Variants in SNAP91 observed in about 807,000 individuals in gnomAD.
SNAP91 encodes the protein clathrin coat assembly protein AP180.
A neutral mutation model predicts 100.3 loss-of-function variants in SNAP91; 27 were observed. The ratio of observed to expected loss-of-function variants is 0.27; its 90% CI spans 0.20 to 0.37. SNAP91 has a LOEUF of 0.37. Ranked by LOEUF, SNAP91 falls within the 10% of genes least tolerant of loss-of-function variation. The pLI is 1.00. For missense variants in SNAP91, 986 were observed against 1,123.7 expected, an observed-to-expected ratio of 0.88 and a Z score of 1.75; for synonymous variants, 404 against 398.6, an observed-to-expected ratio of 1.01 and a Z score of -0.16.
intron 19 of SNAP91, 47 bp from the exon 20 acceptor site, chr6:83,593,064 A>G (rs1224682013): frequency 1.3e-6 from 2 of 1,544,676 alleles, no homozygotes; most frequent in Non-Finnish European, 1.8e-6. Flanking sequence ...TAAGTAGTAG[A>G]AAGCTGAAAT....
intron 3 of SNAP91, among the ~76,000 whole-genome samples, chr6:83,664,324 T>C (rs1472555276): frequency 1.3e-5 from 2 of 152,164 alleles, no homozygotes; most frequent in Non-Finnish European, 2.9e-5. Context: ...ATTCCTCTGA[T>C]GGATGTGGGC....
Position 83,707,902 on chromosome 6 carries a change from C to G in SNAP91, c.26G>C (p.Arg9Pro). 6.3e-7 allele frequency: 1 copy of G among 1,592,668 alleles called. No individual in the cohort carries two copies. The highest frequency in any genetic ancestry group is 2.3e-5 in the East Asian group (1 of 43,718). ...AACGCTGTACTGAGCGGCGGCGATC[C>G]GATCCGTGAGCGTTTGGCCCGACAT... is the stretch of plus-strand genomic sequence containing the variant. MSGQTLTDRIAAAQYSVTG... is the reference protein window; with the variant it reads MSGQTLTDPIAAAQYSVTG... The change falls in exon 2 of 30, where the codon CGG becomes CCG. Residue 9 changes from arginine to proline, a missense_variant. Arg to Pro is a moderately radical substitution (Grantham distance 103). Coordinates refer to ENST00000369694, the MANE Select transcript of SNAP91 (RefSeq NM_001242792.2).
chr6:83,577,687 T>C (rs1179351137), intron 24 of SNAP91, among the ~76,000 whole-genome samples: 3 of 152,196 alleles, frequency 2.0e-5, no homozygotes, highest in Non-Finnish European at 2.9e-5. Flanking sequence ...GCAGTCTCAA[T>C]AGAAGCGTCA....
chr6:83,612,270 G>A (rs2096171211), intron 11 of SNAP91, among the ~76,000 whole-genome samples: 2 of 152,170 alleles, frequency 1.3e-5, no homozygotes, highest in Admixed American at 1.3e-4. Flanking sequence ...AGGGTCTACT[G>A]AAATATCTAC....
At chr6:83,575,341 C>A in intron 25 of SNAP91, 1 of 530,756 alleles carries the variant, frequency 1.9e-6, no homozygotes, top group Non-Finnish European at 3.3e-6. Flanking sequence ...AGAGTTTGGA[C>A]CTCAATAAGT....
chr6:83,560,094 A>T lies in SNAP91; in HGVS notation c.2631+10T>A. On this transcript the variant is annotated intron_variant, in intron 28 of 29. Transcript: ENST00000369694. ...AATGTCACTGATTTGTGGACATTGAAGAAACTGACCTGCGTGCCAGGTACA... is the reference window on the plus strand; with the variant it reads ...AATGTCACTGATTTGTGGACATTGATGAAACTGACCTGCGTGCCAGGTACA... 1 of 1,609,584 alleles carries T rather than the reference A, an allele frequency of 6.2e-7. No individual in the cohort carries two copies. The highest frequency in any genetic ancestry group is 8.5e-7 in the Non-Finnish European group (1 of 1,175,944).
chr6:83,698,170 T>C (rs537136651), intron 2 of SNAP91, among the ~76,000 whole-genome samples: 11 of 152,072 alleles, frequency 7.2e-5, no homozygotes, highest in African/African-American at 2.2e-4. Flanking sequence ...TGTGTGTGTG[T>C]AGGCAAAAAC....
chr6:83,576,376 A>G (rs1818824887), intron 24 of SNAP91, among the ~76,000 whole-genome samples: 1 of 152,204 alleles, frequency 6.6e-6, no homozygotes, highest in South Asian at 2.1e-4. Context: ...CTATACTAGG[A>G]TAAAACTTGC....
chr6:83,693,746 C>T (rs998279452), intron 2 of SNAP91, among the ~76,000 whole-genome samples: 1 of 152,204 alleles, frequency 6.6e-6, no homozygotes, highest in Non-Finnish European at 1.5e-5. Flanking sequence ...CATAACAATA[C>T]AAATCACTGA....
intron 15 of SNAP91, 71 bp from the exon 16 acceptor site, chr6:83,601,509 A>ACTACTACAACTGTT: frequency 6.2e-7 from 1 of 1,610,994 alleles, no homozygotes; most frequent in Non-Finnish European, 8.5e-7. Context: ...ACCAGACTCC[A>ACTACTACAACTGTT]AATGATCAAA....
intron 2 of SNAP91, among the ~76,000 whole-genome samples, chr6:83,688,909 T>C (rs1210389309): frequency 1.3e-5 from 2 of 152,222 alleles, no homozygotes; most frequent in African/African-American, 4.8e-5. Flanking sequence ...TGCTTATATG[T>C]CTCTGCTATA....
At chr6:83,576,273 T>C (rs1818677084) in intron 24 of SNAP91, among the ~76,000 whole-genome samples, 1 of 152,206 alleles carries the variant, frequency 6.6e-6, no homozygotes. Flanking sequence ...CATTTTAATG[T>C]CAACTGGTGT....
intron 24 of SNAP91, among the ~76,000 whole-genome samples, chr6:83,579,563 T>TA (rs1824979982): frequency 2.0e-5 from 3 of 152,200 alleles, no homozygotes; most frequent in African/African-American, 7.2e-5. Context: ...GTATCTACAG[T>TA]GGTAAACCCA....
intron 8 of SNAP91, among the ~76,000 whole-genome samples, chr6:83,630,654 G>C (rs928329329): frequency 2.0e-5 from 3 of 151,894 alleles, no homozygotes; most frequent in Non-Finnish European, 4.4e-5. Flanking sequence ...AGCCTTGAAT[G>C]ATTTTTTGTA....
chr6:83,568,932 A>G (rs1414493829), intron 26 of SNAP91, among the ~76,000 whole-genome samples: 1 of 152,184 alleles, frequency 6.6e-6, no homozygotes, highest in Non-Finnish European at 1.5e-5. Flanking sequence ...GAAAGAGACT[A>G]TAAAGGAATA....
chr6:83,631,595 T>G (rs982349928), intron 8 of SNAP91, among the ~76,000 whole-genome samples: 1 of 152,128 alleles, frequency 6.6e-6, no homozygotes, highest in Non-Finnish European at 1.5e-5. Context: ...TATAATGTCC[T>G]TTTTTTGTCT....
chr6:83,683,764 G>A (rs1455079491), intron 2 of SNAP91, among the ~76,000 whole-genome samples: 1 of 152,148 alleles, frequency 6.6e-6, no homozygotes, highest in Non-Finnish European at 1.5e-5. Flanking sequence ...GGATCAGTAA[G>A]ACAAAAATGG....
chr6:83,583,839 G>A (rs1831947628), intron 22 of SNAP91, among the ~76,000 whole-genome samples: 1 of 152,164 alleles, frequency 6.6e-6, no homozygotes, highest in African/African-American at 2.4e-5. Context: ...AATGCTGTTT[G>A]AGTTATGTTA....
chr6:83,702,900 T>G (rs549292955), intron 2 of SNAP91, among the ~76,000 whole-genome samples: 41 of 152,324 alleles, frequency 2.7e-4, no homozygotes, highest in Non-Finnish European at 5.3e-4. Context: ...TAAGACTGTT[T>G]GTCACTCTGC....
Sources: allele counts gnomAD v4.1 joint callset (sites outside exome capture counted in the v4.1 genomes callset), GRCh38; gene constraint gnomAD v4.1.1; transcripts MANE v1.5; gene names NCBI Gene and HGNC (gene_info 2026-07-23, HGNC 2026-07-21).